SOX5: variants seen among roughly 807,000 people sequenced by gnomAD.
SOX5 encodes SRY-box transcription factor 5.
SOX5 carries 9 observed loss-of-function variants against 92.0 expected under a neutral mutation model. The observed-to-expected ratio is 0.10, with a 90% confidence interval of 0.06 to 0.17. The LOEUF (loss-of-function observed/expected upper bound fraction) is 0.17, where lower values mean the gene tolerates loss of function less well. SOX5 is among the 10% of genes least tolerant of loss of function. SOX5 has a pLI of 1.00. For synonymous variants in SOX5, 344 were observed against 336.3 expected, an observed-to-expected ratio of 1.02 and a Z score of -0.25; for missense variants, 642 against 944.5, an observed-to-expected ratio of 0.68 and a Z score of 4.20.
intron 7 of SOX5, among the ~76,000 whole-genome samples, chr12:23,647,724 T>C (rs1354143199): frequency 6.6e-6 from 1 of 152,202 alleles, no homozygotes; most frequent in East Asian, 1.9e-4. Flanking sequence ...ACACCAAACT[T>C]TTCTTCTGCA....
chr12:24,483,096 A>G (rs1013153594), intron 1 of SOX5, among the ~76,000 whole-genome samples: 1 of 152,236 alleles, frequency 6.6e-6, no homozygotes, highest in African/African-American at 2.4e-5. Flanking sequence ...TTGTGAAATG[A>G]CACTTATTTT....
chr12:24,061,772 T>A (rs1939766764), intron 4 of SOX5, among the ~76,000 whole-genome samples: 1 of 151,700 alleles, frequency 6.6e-6, no homozygotes, highest in African/African-American at 2.4e-5. Flanking sequence ...AACCTTTCTC[T>A]TTTCTGTTTC....
chr12:24,087,891 CT>C (rs910523708), intron 4 of SOX5, among the ~76,000 whole-genome samples: 2 of 151,908 alleles, frequency 1.3e-5, no homozygotes, highest in African/African-American at 4.8e-5. Context: ...ATAAAAGCAT[CT>C]CTTATTTCTC....
intron 4 of SOX5, among the ~76,000 whole-genome samples, chr12:24,103,981 G>A (rs1946385637): frequency 6.6e-6 from 1 of 152,204 alleles, no homozygotes; most frequent in South Asian, 2.1e-4. Flanking sequence ...ATAAAGCTGT[G>A]CAAGCATTGT....
At chr12:24,384,086 T>A (rs1025633598) in intron 1 of SOX5, among the ~76,000 whole-genome samples, 1 of 152,198 alleles carries the variant, frequency 6.6e-6, no homozygotes, top group Non-Finnish European at 1.5e-5. Context: ...TTATTGTAAG[T>A]TTCCTGAGGC....
chr12:24,415,536 G>A lies in SOX5; in HGVS notation c.-250-46897C>T, dbSNP rs543741355. ...TTAGTCCCCTCAGCTGATAAAGAAT[G>A]AATGGATAAAGATAGAAAGATCAAC... On this transcript the variant is annotated intron_variant, in intron 1 of 4. Coordinates refer to the SOX5 transcript ENST00000446891. Among the ~76,000 whole-genome samples the A allele has an allele frequency of 2.8e-4, 42 of 152,176 alleles. 1 individual carries two copies. Among genetic ancestry groups the A allele is most frequent in the Admixed American group, 7.2e-4 (11 of 15,278 alleles).
intron 3 of SOX5, among the ~76,000 whole-genome samples, chr12:23,810,302 C>T (rs931860685): frequency 1.3e-5 from 2 of 152,120 alleles, no homozygotes; most frequent in African/African-American, 4.8e-5. Context: ...TGGCACCAGA[C>T]TGTATTTTGA....
intron 2 of SOX5, among the ~76,000 whole-genome samples, chr12:24,289,871 T>G (rs1356086093): frequency 6.6e-6 from 1 of 152,106 alleles, no homozygotes; most frequent in Non-Finnish European, 1.5e-5. Context: ...GGGCCAAAGG[T>G]CAGACATGCT....
intron 4 of SOX5, among the ~76,000 whole-genome samples, chr12:24,000,734 A>G (rs2136364558): frequency 6.6e-6 from 1 of 152,310 alleles, no homozygotes; most frequent in Non-Finnish European, 1.5e-5. Flanking sequence ...TGCATGAAAT[A>G]CTGTAATCAA....
At chr12:23,632,477 T>C (rs2078671838) in intron 8 of SOX5, among the ~76,000 whole-genome samples, 2 of 152,130 alleles carry the variant, frequency 1.3e-5, no homozygotes, top group African/African-American at 4.8e-5. Flanking sequence ...CATCTAGATT[T>C]TTCTATATGG....
chr12:23,843,871 T>C (rs1244491890), intron 3 of SOX5, among the ~76,000 whole-genome samples: 1 of 152,062 alleles, frequency 6.6e-6, no homozygotes, highest in Non-Finnish European at 1.5e-5. Context: ...GCCTTGGCAG[T>C]TATTTCTTTT....
chr12:24,183,505 T>C (rs1005848730), intron 4 of SOX5, among the ~76,000 whole-genome samples: 9 of 152,202 alleles, frequency 5.9e-5, no homozygotes, highest in Non-Finnish European at 1.2e-4. Context: ...TCTGAGGGTT[T>C]CCTCAACTAA....
At chr12:23,545,774 C>T (rs568749791) in intron 12 of SOX5, among the ~76,000 whole-genome samples, 1 of 152,034 alleles carries the variant, frequency 6.6e-6, no homozygotes, top group African/African-American at 2.4e-5. Flanking sequence ...CAGTAACTCA[C>T]GCCTATAAAA....
chr12:23,707,778 A>G (rs560280208), intron 6 of SOX5, among the ~76,000 whole-genome samples: 41 of 152,246 alleles, frequency 2.7e-4, no homozygotes, highest in African/African-American at 8.9e-4. Context: ...CCTCTTTCAT[A>G]AAGAACTAAG....
chr12:23,999,538 C>A (rs2136349279), intron 4 of SOX5, among the ~76,000 whole-genome samples: 1 of 152,062 alleles, frequency 6.6e-6, no homozygotes. Flanking sequence ...ATAATGTATA[C>A]ATATATCAAA....
At chr12:23,614,227 G>A (rs940061070) in intron 8 of SOX5, among the ~76,000 whole-genome samples, 8 of 152,236 alleles carry the variant, frequency 5.3e-5, no homozygotes, top group African/African-American at 1.7e-4. Context: ...GGAACATCAC[G>A]TGCAAAGCCA....
At chr12:24,510,345 T>A (rs1190046012) in intron 1 of SOX5, among the ~76,000 whole-genome samples, 1 of 152,224 alleles carries the variant, frequency 6.6e-6, no homozygotes, top group East Asian at 1.9e-4. Flanking sequence ...CAAGAATAGA[T>A]GCTTTGCTTA....
At chr12:23,727,663 A>G (rs573746829) in intron 6 of SOX5, among the ~76,000 whole-genome samples, 1 of 152,300 alleles carries the variant, frequency 6.6e-6, no homozygotes, top group African/African-American at 2.4e-5. Flanking sequence ...AGGGGAAAGG[A>G]GAGTGGCAAT....
chr12:24,341,876 G>A (rs140637524), intron 2 of SOX5, among the ~76,000 whole-genome samples: 1 of 152,262 alleles, frequency 6.6e-6, no homozygotes, highest in East Asian at 1.9e-4. Context: ...TTGGCTCCTG[G>A]GTTCTGGTAA....
Sources: allele counts gnomAD v4.1 joint callset (sites outside exome capture counted in the v4.1 genomes callset), GRCh38; gene constraint gnomAD v4.1.1; transcripts MANE v1.5; gene names NCBI Gene and HGNC (gene_info 2026-07-23, HGNC 2026-07-21).